FRMD4A: variants seen among roughly 807,000 people sequenced by gnomAD.
FRMD4A encodes the protein FERM domain-containing protein 4A.
FRMD4A carries 29 observed loss-of-function variants against 129.1 expected under a neutral mutation model. The observed-to-expected ratio is 0.22, with a 90% CI of 0.17 to 0.31. The LOEUF is 0.31. FRMD4A is among the 10% of genes least tolerant of loss of function. The pLI, the probability that FRMD4A is intolerant of heterozygous loss-of-function variation, is 1.00. For missense variants in FRMD4A, 1,272 were observed against 1,375.8 expected (o/e 0.92, Z 1.19); for synonymous variants, 634 against 571.6 (o/e 1.11, Z -1.56).
At chr10:13,757,120 G>A (rs971717211) in intron 8 of FRMD4A, among the ~76,000 whole-genome samples, 6 of 152,164 alleles carry the variant, frequency 3.9e-5, no homozygotes, top group Admixed American at 3.9e-4. Context: ...AGCGATTATC[G>A]AAAGACAATT....
chr10:14,026,683 C>A (rs1212766230), intron 2 of FRMD4A, among the ~76,000 whole-genome samples: 1 of 152,230 alleles, frequency 6.6e-6, no homozygotes, highest in Admixed American at 6.5e-5. Flanking sequence ...GATTCAATAA[C>A]CAGCTGCATC....
chr10:13,919,860 C>T (rs540227785), intron 2 of FRMD4A, among the ~76,000 whole-genome samples: 2 of 152,124 alleles, frequency 1.3e-5, no homozygotes, highest in African/African-American at 4.8e-5. Context: ...ATTGCTTGAA[C>T]CCAAGAGGCA....
rs965155439 is a variant in FRMD4A at position 13,821,112 on chromosome 10, A to T, written c.112-10204T>A. On this transcript the variant is annotated intron_variant, in intron 3 of 24. Coordinates refer to ENST00000357447, the MANE Select transcript of FRMD4A (RefSeq NM_018027.5). This position sits in a 1 kb window ranked among gnomAD's most constrained non-coding sequence, Gnocchi z 4.3. The stretch of plus-strand genomic sequence containing the variant: ...AGCAATGGCTCAGCGGCTGCTCATT[A>T]TTCCCGGGGAGGGGAAGCTGCTGCG... 3.3e-5 allele frequency among the ~76,000 whole-genome samples: 5 copies of T among 152,104 alleles called. No individual in the cohort carries two copies. Among genetic ancestry groups the T allele is most frequent in the Admixed American group, 2.0e-4 (3 of 15,278 alleles).
At chr10:14,222,350 G>T (rs567214350) in intron 2 of FRMD4A, among the ~76,000 whole-genome samples, 24 of 152,324 alleles carry the variant, frequency 1.6e-4, no homozygotes, top group Admixed American at 3.3e-4. Flanking sequence ...AAGTAGAGGT[G>T]CTCTCTAGCG....
At chr10:13,803,025 T>C (rs2093287647) in intron 4 of FRMD4A, among the ~76,000 whole-genome samples, 1 of 151,984 alleles carries the variant, frequency 6.6e-6, no homozygotes, top group Admixed American at 6.6e-5. Flanking sequence ...GGCGGATGCC[T>C]GTAATCTCAG....
chr10:14,093,692 G>A (rs888889752), intron 2 of FRMD4A, among the ~76,000 whole-genome samples: 1 of 92,742 alleles, frequency 1.1e-5, no homozygotes, highest in African/African-American at 3.8e-5. Flanking sequence ...TATCAGCAGA[G>A]TGCTAAGAGC....
chr10:13,892,946 C>T (rs1393902770), intron 2 of FRMD4A, among the ~76,000 whole-genome samples: 1 of 152,140 alleles, frequency 6.6e-6, no homozygotes, highest in Non-Finnish European at 1.5e-5. Context: ...GTTCAAAAGG[C>T]CTCACCATCA....
At chr10:14,215,665 T>C (rs1345111242) in intron 2 of FRMD4A, among the ~76,000 whole-genome samples, 1 of 152,066 alleles carries the variant, frequency 6.6e-6, no homozygotes, top group South Asian at 2.1e-4. Context: ...TTTCTCCCAC[T>C]CATTCTGAAA....
rs147002705 is a variant in FRMD4A at position 13,780,121 on chromosome 10, G to A, written c.384+2801C>T. On this transcript the variant is annotated intron_variant, in intron 6 of 24. Coordinates refer to ENST00000357447, the MANE Select transcript of FRMD4A (RefSeq NM_018027.5). ...TGGATGGATCAACTTGAGGTCAGGA[G>A]TTTGAGACCAGCCTGGGCAACATGG... Among the ~76,000 whole-genome samples the A allele has an allele frequency of 9.7e-3, 1,482 of 152,262 alleles. 26 individuals carry two copies. Among genetic ancestry groups the A allele is most frequent in the African/African-American group, 0.034 (1,402 of 41,526 alleles).
chr10:14,193,635 T>A (rs1333716188), intron 2 of FRMD4A, among the ~76,000 whole-genome samples: 1 of 151,118 alleles, frequency 6.6e-6, no homozygotes, highest in Admixed American at 6.6e-5. Context: ...AAAGATGGCC[T>A]GGAAACCAAG....
chr10:14,057,032 T>C (rs191749842), intron 2 of FRMD4A, among the ~76,000 whole-genome samples: 6 of 152,322 alleles, frequency 3.9e-5, no homozygotes, highest in Middle Eastern at 3.4e-3. Context: ...GGCAATGTTC[T>C]GTATCTCTTC....
At chr10:13,830,941 C>A (rs1385255919) in intron 3 of FRMD4A, among the ~76,000 whole-genome samples, 1 of 152,168 alleles carries the variant, frequency 6.6e-6, no homozygotes, top group Admixed American at 6.5e-5. Flanking sequence ...AGGCACCCAC[C>A]ACCAGGCCTG....
intron 2 of FRMD4A, among the ~76,000 whole-genome samples, chr10:14,020,531 G>C (rs997036673): frequency 2.4e-4 from 37 of 152,168 alleles, no homozygotes; most frequent in Non-Finnish European, 4.7e-4. Context: ...CAGCAAGACT[G>C]GGAGAGGACA....
At chr10:13,758,873 C>T (rs2091960390) in intron 8 of FRMD4A, among the ~76,000 whole-genome samples, 1 of 152,114 alleles carries the variant, frequency 6.6e-6, no homozygotes, top group African/African-American at 2.4e-5. Flanking sequence ...ATATAAATTA[C>T]ATAAGTTATG....
At position 14,028,888 on chromosome 10, in the gene FRMD4A, G is replaced by A. The variant is rs568447018; in HGVS notation, c.46-169976C>T. On this transcript the variant is annotated intron_variant, in intron 2 of 24. Coordinates refer to ENST00000357447, the MANE Select transcript of FRMD4A (RefSeq NM_018027.5). ...GACAGCCAAGGTCTCAATGCTGACA[G>A]CACAGGATCCTGCTACTATTTATAG... 3.9e-5 allele frequency among the ~76,000 whole-genome samples: 6 copies of A among 152,320 alleles called. No homozygotes were observed. The South Asian group carries it at 1.0e-3, about 26-fold the overall frequency.
At chr10:14,159,443 T>C (rs1361078654) in intron 2 of FRMD4A, among the ~76,000 whole-genome samples, 1 of 151,958 alleles carries the variant, frequency 6.6e-6, no homozygotes, top group African/African-American at 2.4e-5. Flanking sequence ...AAGAAAACTA[T>C]AAAATGCTGA....
At chr10:14,038,293 A>C (rs1833601490) in intron 2 of FRMD4A, among the ~76,000 whole-genome samples, 1 of 152,262 alleles carries the variant, frequency 6.6e-6, no homozygotes, top group Non-Finnish European at 1.5e-5. Flanking sequence ...ACTGCACTCC[A>C]GCCTGGGCGA....
chr10:13,835,420 C>A (rs1172043073), intron 3 of FRMD4A, among the ~76,000 whole-genome samples: 1 of 152,088 alleles, frequency 6.6e-6, no homozygotes, highest in African/African-American at 2.4e-5. Flanking sequence ...AATCTACAAC[C>A]CCCAGGGCCA....
intron 2 of FRMD4A, among the ~76,000 whole-genome samples, chr10:14,177,465 G>T (rs1226943326): frequency 6.6e-6 from 1 of 152,036 alleles, no homozygotes; most frequent in African/African-American, 2.4e-5. Flanking sequence ...CAGCCACTGT[G>T]CCTGGCCCCA....
Sources: gnomAD v4.1 joint callset for allele counts (sites outside exome capture counted in the v4.1 genomes callset) on GRCh38, gnomAD v4.1.1 for gene constraint, Gnocchi (gnomAD v3.1) non-coding constraint, MANE v1.5 for transcripts, NCBI Gene and HGNC (gene_info 2026-07-23, HGNC 2026-07-21) for gene names.